SASH1: variants seen among roughly 807,000 people sequenced by gnomAD.
SASH1 encodes SAM and SH3 domain containing 1.
A neutral mutation model predicts 125.2 loss-of-function variants in SASH1; 44 were observed. The observed-to-expected ratio is 0.35, with a 90% CI of 0.28 to 0.45. The LOEUF is 0.45. Ranked by LOEUF, SASH1 falls within the 20% of genes least tolerant of loss-of-function variation. The pLI, the probability that SASH1 is intolerant of heterozygous loss-of-function variation, is 1.00. For synonymous variants in SASH1, 639 were observed against 649.1 expected, an observed-to-expected ratio of 0.98 and a Z score of 0.24; for missense variants, 1,426 against 1,614.5, an observed-to-expected ratio of 0.88 and a Z score of 2.00.
the SASH1 span, among the ~76,000 whole-genome samples, chr6:148,238,092 T>TC: frequency 6.6e-6 from 1 of 152,212 alleles, no homozygotes; most frequent in Non-Finnish European, 1.5e-5. Flanking sequence ...TACTTTTTCT[T>TC]CAAGTTTTTA....
intron 1 of SASH1, among the ~76,000 whole-genome samples, chr6:148,312,180 T>C (rs1392671430): frequency 3.3e-5 from 5 of 152,190 alleles, no homozygotes; most frequent in Non-Finnish European, 7.3e-5. Context: ...GGGCAGTCTG[T>C]TGGGTGATGG....
rs539230002 is a variant in SASH1 at position 148,319,210 on chromosome 6, T to G, written n.74+46833T>G. Among the ~76,000 whole-genome samples, 53 of 151,668 alleles carry G rather than the reference T, an allele frequency of 3.5e-4. 1 individual carries two copies. The East Asian group carries it at 0.01, about 30-fold the overall frequency. ...ACCACGTCCGGCTAATTCTTTTGTA[T>G]TTTTTAGTGGAGACGGGGTTTCACC... On this transcript the variant is annotated intron_variant and non_coding_transcript_variant, in intron 1 of 3. Coordinates refer to the SASH1 transcript ENST00000367469.
the SASH1 span, among the ~76,000 whole-genome samples, chr6:148,242,660 G>A: frequency 1.3e-5 from 2 of 152,132 alleles, no homozygotes. Context: ...TTCCATTGTA[G>A]TTCTTTCAAA....
the SASH1 span, among the ~76,000 whole-genome samples, chr6:148,234,155 AG>A: frequency 2.6e-5 from 4 of 151,802 alleles, no homozygotes; most frequent in Non-Finnish European, 4.4e-5. Flanking sequence ...CTCTCACCTC[AG>A]CCTCCAGTGT....
At chr6:148,251,568 C>T in the SASH1 span, among the ~76,000 whole-genome samples, 1 of 152,104 alleles carries the variant, frequency 6.6e-6, no homozygotes, top group Non-Finnish European at 1.5e-5. Flanking sequence ...AATGGAGTGG[C>T]AAGTTCTATT....
At chr6:148,476,498 A>G (rs1367008198) in intron 7 of SASH1, among the ~76,000 whole-genome samples, 1 of 152,172 alleles carries the variant, frequency 6.6e-6, no homozygotes. Context: ...CCTGGCCAAC[A>G]TGGTGAAACC....
intron 18 of SASH1, among the ~76,000 whole-genome samples, chr6:148,545,294 A>C (rs865776183): frequency 6.6e-6 from 1 of 152,162 alleles, no homozygotes; most frequent in Non-Finnish European, 1.5e-5. Flanking sequence ...GCAGTACTTT[A>C]CTCCTGGAAA....
chr6:148,415,418 C>T (rs2114922918), intron 2 of SASH1, among the ~76,000 whole-genome samples: 1 of 152,282 alleles, frequency 6.6e-6, no homozygotes, highest in Admixed American at 6.5e-5. Context: ...TTATGTCACA[C>T]ATCTGGGGTG....
chr6:148,500,835 G>C (rs1309924065), intron 8 of SASH1, among the ~76,000 whole-genome samples: 7 of 152,004 alleles, frequency 4.6e-5, no homozygotes, highest in African/African-American at 1.7e-4. Context: ...TGCTCATTTT[G>C]TTAGTCGTTG....
chr6:148,456,000 C>T (rs1777325553), intron 4 of SASH1, among the ~76,000 whole-genome samples: 3 of 152,156 alleles, frequency 2.0e-5, no homozygotes, highest in Admixed American at 2.0e-4. Context: ...GCCCCACATC[C>T]CTCCAGGGTC....
intron 2 of SASH1, 36 bp from the exon 3 acceptor site, chr6:148,440,148 G>T: frequency 6.2e-7 from 1 of 1,605,900 alleles, no homozygotes; most frequent in Non-Finnish European, 8.5e-7. Context: ...TGACATGTTT[G>T]GAAGTCCCGT....
At chr6:148,326,369 T>TATGCATATATATATATATGC (rs1780821802) in intron 1 of SASH1, among the ~76,000 whole-genome samples, 1 of 57,008 alleles carries the variant, frequency 1.8e-5, no homozygotes, top group African/African-American at 6.2e-5. Flanking sequence ...CATATATATA[T>TATGCATATATATATATATGC]ATATACATTC....
At chr6:148,425,185 G>A (rs982267137) in intron 2 of SASH1, among the ~76,000 whole-genome samples, 2 of 152,136 alleles carry the variant, frequency 1.3e-5, no homozygotes, top group African/African-American at 4.8e-5. Context: ...GGACCAGCAC[G>A]GCCAAGCTAG....
At chr6:148,436,711 C>A (rs1318930155) in intron 2 of SASH1, among the ~76,000 whole-genome samples, 1 of 152,042 alleles carries the variant, frequency 6.6e-6, no homozygotes, top group Non-Finnish European at 1.5e-5. Flanking sequence ...TCAAGTCATC[C>A]CCAGCTTTTG....
intron 1 of SASH1, among the ~76,000 whole-genome samples, chr6:148,385,761 G>A (rs1783340714): frequency 6.6e-6 from 1 of 152,212 alleles, no homozygotes; most frequent in African/African-American, 2.4e-5. Flanking sequence ...AGAAATTTGT[G>A]TAGGGTGGAG....
the SASH1 span, among the ~76,000 whole-genome samples, chr6:148,235,297 G>A: frequency 3.3e-5 from 5 of 152,124 alleles, no homozygotes; most frequent in Admixed American, 2.0e-4. Flanking sequence ...TAATCATTTG[G>A]CGTTAATCTC....
At chr6:148,524,121 A>ATATATATTTTT (rs1193506716) in intron 10 of SASH1, among the ~76,000 whole-genome samples, 7 of 128,610 alleles carry the variant, frequency 5.4e-5, no homozygotes, top group Non-Finnish European at 1.2e-4. Context: ...ATATATATAT[A>ATATATATTTTT]TTTTTTTTAA....
At chr6:148,360,023 C>G (rs1782128466) in intron 1 of SASH1, among the ~76,000 whole-genome samples, 1 of 151,946 alleles carries the variant, frequency 6.6e-6, no homozygotes, top group South Asian at 2.1e-4. Flanking sequence ...TCCCAAAGTG[C>G]TGGGATTACA....
In SASH1 at chr6:148,343,063, C is replaced by G. The variant is rs1271066569; in HGVS notation, c.-5C>G. On this transcript the variant is annotated 5_prime_UTR_variant, in exon 1 of 20. Transcript: ENST00000367467. ...GGACGCACGGCCCGCGCGCGGGACACGGCCATGGAGGACGCGGGAGCAGCT... is the reference window on the plus strand; with the variant it reads ...GGACGCACGGCCCGCGCGCGGGACAGGGCCATGGAGGACGCGGGAGCAGCT... 1.4e-6 allele frequency: 2 copies of G among 1,422,258 alleles called. No homozygotes were observed. Among genetic ancestry groups the G allele is most frequent in the African/African-American group, 1.5e-5 (1 of 67,210 alleles). The allele number at this position is 1,422,258 out of a possible 1,614,324, so 88.1% of individuals were successfully genotyped here.
Sources: allele counts gnomAD v4.1 joint callset (sites outside exome capture counted in the v4.1 genomes callset), GRCh38; gene constraint gnomAD v4.1.1; transcripts MANE v1.5; gene names NCBI Gene and HGNC (gene_info 2026-07-23, HGNC 2026-07-21).